The following SP100 variants were observed in gnomAD, a reference collection of about 807,000 sequenced individuals.
SP100 encodes SP100 nuclear body protein.
SP100 carries 84 observed loss-of-function variants against 130.0 expected under a neutral mutation model. The ratio of observed to expected loss-of-function variants is 0.65; its 90% CI spans 0.54 to 0.77. SP100 has a LOEUF of 0.77. SP100 is among the 30% of genes least tolerant of loss of function. SP100 has a pLI of 0.00. For synonymous variants in SP100, 331 were observed against 351.7 expected, an observed-to-expected ratio of 0.94 and a Z score of 0.66; for missense variants, 978 against 1,052.2, an observed-to-expected ratio of 0.93 and a Z score of 0.97.
chr2:230,433,705 G>C (rs1313531834), intron 2 of SP100, among the ~76,000 whole-genome samples: 1 of 151,640 alleles, frequency 6.6e-6, no homozygotes, highest in Non-Finnish European at 1.5e-5. Context: ...CATTCTGTTT[G>C]TTCAATTTAT....
chr2:230,448,064 G>T (rs570552575), intron 5 of SP100, among the ~76,000 whole-genome samples: 1 of 152,330 alleles, frequency 6.6e-6, no homozygotes, highest in East Asian at 1.9e-4. Flanking sequence ...AGGAGCTCTG[G>T]CCAGGAGCAG....
chr2:230,474,855 G>C lies in SP100; in HGVS notation c.1600+408G>C, dbSNP rs190254586. Reference sequence around the variant, plus strand: ...CGCTCCATCCATGTTGCTGCGAAGGGTGTGATTTCATTCTTTTTATGGCTG... The same window carrying C: ...CGCTCCATCCATGTTGCTGCGAAGGCTGTGATTTCATTCTTTTTATGGCTG... On this transcript the variant is annotated intron_variant, in intron 17 of 28. Coordinates refer to ENST00000340126, the MANE Select transcript of SP100 (RefSeq NM_001080391.2). Among the ~76,000 whole-genome samples the C allele has an allele frequency of 4.3e-3, 658 of 152,124 alleles. 4 individuals are homozygous for C. The highest frequency in any genetic ancestry group is 7.5e-3 in the Non-Finnish European group (509 of 68,004).
intron 17 of SP100, 65 bp downstream of exon 17, chr2:230,474,512 TTTA>T (rs1397614509): frequency 1.4e-5 from 11 of 786,784 alleles, no homozygotes; most frequent in Non-Finnish European, 2.2e-5. Context: ...AATGCTAAGG[TTTA>T]TTATCATCAT....
chr2:230,456,919 T>C (rs1251836720), intron 8 of SP100, among the ~76,000 whole-genome samples: 13 of 152,346 alleles, frequency 8.5e-5, no homozygotes, highest in Admixed American at 3.3e-4. Flanking sequence ...TCCATTACTT[T>C]GGGGTCTGCT....
intron 19 of SP100, among the ~76,000 whole-genome samples, chr2:230,500,852 G>GA (rs965390918): frequency 9.2e-5 from 14 of 152,304 alleles, no homozygotes; most frequent in African/African-American, 3.1e-4. Context: ...GATCGATCTA[G>GA]AGCAATTTTA....
rs188158186 is a variant in SP100 at position 230,420,495 on chromosome 2, A to G, written c.107+2830A>G. Among the ~76,000 whole-genome samples the G allele has an allele frequency of 1.3e-3, 205 of 152,300 alleles. No homozygotes were observed. The Middle Eastern group carries it at 0.017, about 13-fold the overall frequency. On this transcript the variant is annotated intron_variant, in intron 2 of 28. Transcript: ENST00000340126. ...ATTCCTGATTTCAAGGGGAATACTT[A>G]TAATGTTTAAATTGAGGCTTTCTTA...
intron 17 of SP100, among the ~76,000 whole-genome samples, chr2:230,476,719 A>G (rs2065566532): frequency 6.6e-6 from 1 of 152,242 alleles, no homozygotes; most frequent in Non-Finnish European, 1.5e-5. Flanking sequence ...ATTGAAATAT[A>G]AAAAGTCTTA....
At position 230,449,123 on chromosome 2, in the gene SP100, C is replaced by G. The variant is rs1175855446; in HGVS notation, c.559C>G (p.Pro187Ala). Residue 187 changes from proline (P) to alanine (A), a missense_variant, in exon 6 of 29, where the codon CCA becomes GCA. Transcript: ENST00000340126. ...AAACTCTTTTCGAAGCCTGACTTGG[C>G]CACCTTCGGGTTCCCCATCTCATGC... The part of the protein sequence containing the change: ...GENSFRSLTW[P>A]PSGSPSHAGT... The G allele has an allele frequency of 6.2e-7, 1 of 1,613,212 alleles. No homozygotes were observed. Among genetic ancestry groups the G allele is most frequent in the East Asian group, 2.2e-5 (1 of 44,902 alleles).
intron 21 of SP100, 57 bp from the exon 22 acceptor site, chr2:230,506,246 G>A: frequency 6.3e-7 from 1 of 1,597,778 alleles, no homozygotes; most frequent in South Asian, 1.1e-5. Flanking sequence ...AGCATGGGGG[G>A]AGGCCAAGTT....
chr2:230,515,427 C>T (rs1377712626), intron 24 of SP100: 29 of 1,613,866 alleles, frequency 1.8e-5, no homozygotes, highest in Non-Finnish European at 2.4e-5. Context: ...TGTGGAATAA[C>T]ACCGCTGCAG....
chr2:230,502,032 CTTTTT>C (rs34173215), intron 19 of SP100, among the ~76,000 whole-genome samples: 1 of 135,988 alleles, frequency 7.4e-6, no homozygotes, highest in Non-Finnish European at 1.6e-5. Flanking sequence ...CCACACCCAG[CTTTTT>C]TTTTTTTTTT....
At chr2:230,499,961 A>G (rs947470895) in intron 19 of SP100, among the ~76,000 whole-genome samples, 2 of 152,016 alleles carry the variant, frequency 1.3e-5, no homozygotes, top group African/African-American at 4.8e-5. Context: ...CAGGCTCCCA[A>G]TCCCCTACCA....
intron 24 of SP100, among the ~76,000 whole-genome samples, chr2:230,518,635 TC>T (rs1559532449): frequency 6.6e-6 from 1 of 151,988 alleles, no homozygotes; most frequent in East Asian, 1.9e-4. Flanking sequence ...TATATGTTTA[TC>T]CCATTTACAT....
chr2:230,462,485 G>A lies in SP100; in HGVS notation c.1024G>A (p.Glu342Lys). 1 of 1,613,934 alleles carries A rather than the reference G, an allele frequency of 6.2e-7. No individual in the cohort carries two copies. Among genetic ancestry groups the A allele is most frequent in the Non-Finnish European group, 8.5e-7 (1 of 1,179,870 alleles). Residue 342 changes from glutamate to lysine, a missense_variant, in exon 10 of 29, where the codon GAA (glutamate) becomes AAA (lysine). Transcript: ENST00000340126. Reference sequence around the variant, plus strand: ...ATCCACTGACGTTGATGAGCCCTTAGAAGTCTTCATCTCAGCACCGAGAAG... The same window carrying A: ...ATCCACTGACGTTGATGAGCCCTTAAAAGTCTTCATCTCAGCACCGAGAAG... ...EGSTDVDEPL[E>K]VFISAPRSEP...
chr2:230,511,549 T>C (rs1399682575), intron 24 of SP100, among the ~76,000 whole-genome samples: 1 of 151,918 alleles, frequency 6.6e-6, no homozygotes, highest in Non-Finnish European at 1.5e-5. Flanking sequence ...GAAAGGAAAA[T>C]CCCAAATATC....
chr2:230,433,168 A>C (rs2063146842), intron 2 of SP100, among the ~76,000 whole-genome samples: 2 of 152,116 alleles, frequency 1.3e-5, no homozygotes, highest in South Asian at 4.1e-4. Flanking sequence ...TTTTGAGTTG[A>C]TTTATGCATA....
intron 8 of SP100, among the ~76,000 whole-genome samples, chr2:230,453,644 G>A (rs921627185): frequency 6.6e-6 from 1 of 152,026 alleles, no homozygotes; most frequent in East Asian, 1.9e-4. Context: ...AACCATTCTT[G>A]CATCCCAGTG....
chr2:230,540,815 T>C (rs531382972), intron 25 of SP100, 61 bp from the exon 26 acceptor site: 1 of 1,567,944 alleles, frequency 6.4e-7, no homozygotes, highest in Non-Finnish European at 8.7e-7. Context: ...CTTGAACAAC[T>C]GTAGGAATGG....
At chr2:230,527,178 A>ACTCTCT (rs1691470312) in intron 24 of SP100, among the ~76,000 whole-genome samples, 1 of 152,194 alleles carries the variant, frequency 6.6e-6, no homozygotes, top group Admixed American at 6.5e-5. Flanking sequence ...CCAGAGAGAA[A>ACTCTCT]GGTCGGGTTA....
Sources: allele counts gnomAD v4.1 joint callset (sites outside exome capture counted in the v4.1 genomes callset), GRCh38; gene constraint gnomAD v4.1.1; transcripts MANE v1.5; gene names NCBI Gene and HGNC (gene_info 2026-07-23, HGNC 2026-07-21).